The following ARNT2 variants were observed in gnomAD, a reference collection of about 807,000 sequenced individuals.
ARNT2 encodes the protein ARNT protein 2.
In ARNT2, 36 loss-of-function variants were observed where a neutral mutation model predicts 91.7. The ratio of observed to expected loss-of-function variants is 0.39; its 90% confidence interval spans 0.30 to 0.52. The LOEUF (loss-of-function observed/expected upper bound fraction) is 0.52. Ranked by LOEUF, ARNT2 falls within the 20% of genes least tolerant of loss-of-function variation. The pLI is 0.72. For missense variants in ARNT2, 775 were observed against 939.3 expected (o/e 0.83, Z 2.29); for synonymous variants, 365 against 347.1 (o/e 1.05, Z -0.57).
intron 5 of ARNT2, among the ~76,000 whole-genome samples, chr15:80,485,266 G>A (rs1051312960): frequency 2.0e-5 from 3 of 152,190 alleles, no homozygotes; most frequent in South Asian, 2.1e-4. Context: ...TGTGACATGT[G>A]CTTGAGAATC....
At chr15:80,434,699 G>T (rs1896061148) in intron 1 of ARNT2, among the ~76,000 whole-genome samples, 1 of 152,080 alleles carries the variant, frequency 6.6e-6, no homozygotes, top group Non-Finnish European at 1.5e-5. Context: ...GAAGAGAGGG[G>T]ACAGGTAGAC....
chr15:80,417,318 T>G (rs1320567416), intron 1 of ARNT2, among the ~76,000 whole-genome samples: 1 of 131,778 alleles, frequency 7.6e-6, no homozygotes, highest in Admixed American at 7.9e-5. Context: ...TGTATTTGCA[T>G]TCATTTTAGG....
chr15:80,523,188 G>A (rs1897581110), intron 8 of ARNT2, among the ~76,000 whole-genome samples: 1 of 152,196 alleles, frequency 6.6e-6, no homozygotes, highest in Non-Finnish European at 1.5e-5. Flanking sequence ...AAGTTTGTTT[G>A]CTGAGAGGAA....
intron 2 of ARNT2, among the ~76,000 whole-genome samples, chr15:80,451,338 C>G (rs1418460493): frequency 1.3e-5 from 2 of 152,224 alleles, no homozygotes; most frequent in Non-Finnish European, 2.9e-5. Context: ...AGCTCCAGCC[C>G]CTGTGGGCTG....
chr15:80,486,693 C>G (rs188075043), intron 5 of ARNT2, among the ~76,000 whole-genome samples: 7 of 152,186 alleles, frequency 4.6e-5, no homozygotes, highest in Non-Finnish European at 7.3e-5. Context: ...TGTAGATCAA[C>G]TTGGGTGCAA....
At chr15:80,561,492 G>A (rs1352511846) in intron 11 of ARNT2, among the ~76,000 whole-genome samples, 4 of 152,158 alleles carry the variant, frequency 2.6e-5, no homozygotes, top group African/African-American at 9.7e-5. Flanking sequence ...GCGTATTTCC[G>A]TGTCTGGTTT....
At chr15:80,433,185 C>T (rs972371025) in intron 1 of ARNT2, among the ~76,000 whole-genome samples, 5 of 115,672 alleles carry the variant, frequency 4.3e-5, no homozygotes, top group African/African-American at 1.5e-4. Flanking sequence ...GTGTAAACAG[C>T]GGGTATGCCC....
rs187883566 is a variant in ARNT2 at position 80,436,340 on chromosome 15, C to G, written c.32-14540C>G. 9.0e-4 allele frequency: 139 copies of G among 154,506 alleles called. 1 individual carries two copies. Among genetic ancestry groups the G allele is most frequent in the Admixed American group, 3.9e-3 (60 of 15,310 alleles). 9.6% of individuals were successfully genotyped at this position (154,506 alleles called of 1,614,324 possible). ...CACTGAAGGGTGTGGTGATTCCATA[C>G]GACAAATGAATAGACACTGCTTCCT... is the stretch of plus-strand genomic sequence containing the variant. On this transcript the variant is annotated intron_variant, in intron 1 of 18. Transcript: ENST00000303329.
chr15:80,587,846 G>T (rs1192770527), intron 17 of ARNT2, among the ~76,000 whole-genome samples: 1 of 152,226 alleles, frequency 6.6e-6, no homozygotes, highest in South Asian at 2.1e-4. Context: ...TGCAAGTATT[G>T]TCATGTGACT....
intron 8 of ARNT2, among the ~76,000 whole-genome samples, chr15:80,527,683 C>T (rs1211049862): frequency 6.6e-6 from 1 of 152,234 alleles, no homozygotes; most frequent in Non-Finnish European, 1.5e-5. Context: ...CTCTTACCAT[C>T]TCCATGAGGA....
At chr15:80,427,504 C>T (rs1895950054) in intron 1 of ARNT2, among the ~76,000 whole-genome samples, 1 of 152,058 alleles carries the variant, frequency 6.6e-6, no homozygotes, top group African/African-American at 2.4e-5. Context: ...GGAGGTTCTG[C>T]TAAGGAGAAC....
At chr15:80,497,242 C>G (rs958183214) in intron 5 of ARNT2, among the ~76,000 whole-genome samples, 3 of 152,212 alleles carry the variant, frequency 2.0e-5, no homozygotes, top group African/African-American at 7.2e-5. Flanking sequence ...AGGCATGACC[C>G]AAACAAGTAA....
chr15:80,404,478 C>A lies in ARNT2; in HGVS notation c.-38C>A. ...GCCGGGCTCCGCGCCGCCCCTCCCG[C>A]GCCCCTGCCAAGCGGGCGCCTATCC... On this transcript the variant is annotated 5_prime_UTR_variant, in exon 1 of 19. Transcript: ENST00000303329. This position sits in a 1 kb window ranked among gnomAD's most constrained non-coding sequence, Gnocchi z 5.5. 1 of 1,216,542 alleles carries A rather than the reference C, an allele frequency of 8.2e-7. No individual in the cohort carries two copies. The highest frequency in any genetic ancestry group is 1.0e-6 in the Non-Finnish European group (1 of 959,122). The allele number at this position is 1,216,542 out of a possible 1,614,324, so 75.4% of individuals were successfully genotyped here.
intron 8 of ARNT2, among the ~76,000 whole-genome samples, chr15:80,528,554 A>C (rs945713205): frequency 1.3e-5 from 2 of 151,986 alleles, no homozygotes; most frequent in Non-Finnish European, 2.9e-5. Context: ...TGGACCCTCA[A>C]TGTTGGAAGT....
At chr15:80,441,720 T>G (rs2141578310) in intron 1 of ARNT2, among the ~76,000 whole-genome samples, 1 of 152,320 alleles carries the variant, frequency 6.6e-6, no homozygotes, top group South Asian at 2.1e-4. Context: ...TTTTTCCAGG[T>G]TTTCGCTGCC....
intron 2 of ARNT2, among the ~76,000 whole-genome samples, chr15:80,451,974 C>T (rs919891022): frequency 1.3e-5 from 2 of 152,232 alleles, no homozygotes; most frequent in Admixed American, 6.5e-5. Flanking sequence ...TGTCTGGTTA[C>T]AGCAGAACCC....
At chr15:80,528,457 A>G (rs561950325) in intron 8 of ARNT2, among the ~76,000 whole-genome samples, 1 of 152,012 alleles carries the variant, frequency 6.6e-6, no homozygotes, top group Admixed American at 6.5e-5. Context: ...TCTGTCATCT[A>G]CTGACATCTA....
intron 8 of ARNT2, among the ~76,000 whole-genome samples, chr15:80,535,516 T>G (rs947580976): frequency 2.3e-4 from 35 of 152,264 alleles, no homozygotes; most frequent in African/African-American, 8.0e-4. Context: ...GCATCTTCCC[T>G]GGATATATTT....
intron 17 of ARNT2, among the ~76,000 whole-genome samples, chr15:80,583,211 A>G (rs1898832057): frequency 1.3e-5 from 2 of 152,250 alleles, no homozygotes; most frequent in Non-Finnish European, 2.9e-5. Context: ...GCTGCAGGCC[A>G]GGACAGTCGT....
Sources: allele counts gnomAD v4.1 joint callset (sites outside exome capture counted in the v4.1 genomes callset), GRCh38; gene constraint gnomAD v4.1.1; non-coding constraint Gnocchi (gnomAD v3.1); transcripts MANE v1.5; gene names NCBI Gene and HGNC (gene_info 2026-07-23, HGNC 2026-07-21).